EMSY: variants seen among roughly 807,000 people sequenced by gnomAD.
The protein encoded by EMSY is BRCA2-interacting transcriptional repressor EMSY.
EMSY carries 26 observed loss-of-function variants against 134.6 expected under a neutral mutation model. That is an observed-to-expected ratio of 0.19 (90% CI 0.14 to 0.27). The LOEUF (loss-of-function observed/expected upper bound fraction) is 0.27. EMSY is among the 10% of genes least tolerant of loss of function. EMSY has a pLI of 1.00. For synonymous variants in EMSY, 579 were observed against 577.8 expected (o/e 1.00, Z -0.03); for missense variants, 1,305 against 1,611.4 (o/e 0.81, Z 3.26).
chr11:76,523,068 A>G (rs1037122581), intron 11 of EMSY, 87 bp from the exon 13 acceptor site: 2 of 1,291,522 alleles, frequency 1.5e-6, no homozygotes, highest in African/African-American at 1.5e-5. Flanking sequence ...CATTTACTAT[A>G]TGTACTAATT....
At chr11:76,494,002 G>A (rs928592414) in intron 8 of EMSY, among the ~76,000 whole-genome samples, 4 of 152,252 alleles carry the variant, frequency 2.6e-5, no homozygotes, top group African/African-American at 4.8e-5. Flanking sequence ...GTGTCTCCAA[G>A]CTTTCGGGCG....
chr11:76,445,870 C>T (rs1280242126), intron 1 of EMSY, among the ~76,000 whole-genome samples: 1 of 152,136 alleles, frequency 6.6e-6, no homozygotes, highest in Non-Finnish European at 1.5e-5. Flanking sequence ...ATACTGCCGG[C>T]TGGGGCGCGC....
exon 12 of EMSY, chr11:76,523,188 C>T: frequency 6.2e-7 from 1 of 1,613,604 alleles, no homozygotes; most frequent in South Asian, 1.1e-5. Context: ...ATCCCAATGA[C>T]TTCCAAGCCC....
intron 10 of EMSY, among the ~76,000 whole-genome samples, chr11:76,515,073 T>G (rs77858439): frequency 2.0e-4 from 27 of 132,266 alleles, no homozygotes; most frequent in Non-Finnish European, 3.8e-4. Context: ...GTTTTGTGGG[T>G]TTTTTTTTTT....
chr11:76,496,303 G>A (rs750290621), exon 9 of EMSY: 1 of 1,614,070 alleles, frequency 6.2e-7, no homozygotes, highest in South Asian at 1.1e-5. Context: ...TTCTTGCACA[G>A]TTCCCTAAAC....
chr11:76,451,663 G>A (rs1167709512), intron 2 of EMSY, among the ~76,000 whole-genome samples, 195 bp from the exon 3 acceptor site: 1 of 152,026 alleles, frequency 6.6e-6, no homozygotes, highest in Non-Finnish European at 1.5e-5. Flanking sequence ...CATGACTTCT[G>A]TGAGGCAATG....
intron 7 of EMSY, among the ~76,000 whole-genome samples, chr11:76,468,220 C>G (rs1000362544): frequency 4.6e-5 from 7 of 151,666 alleles, no homozygotes; most frequent in Non-Finnish European, 1.0e-4. Context: ...GGTTTTCAGA[C>G]TTGGGATGTT....
At position 76,505,078 on chromosome 11, in the gene EMSY, A is replaced by G. The variant is rs372641136; in HGVS notation, c.1364-8308A>G. Among the ~76,000 whole-genome samples the G allele has an allele frequency of 5.3e-5, 8 of 152,156 alleles. No individual in the cohort carries two copies. The East Asian group carries it at 5.8e-4, about 11-fold the overall frequency. ...TTTGAAGTGAAGTGTTCTAAAATCA[A>G]TTGTTATGATGGCTGAACATATCTG... On this transcript the variant is annotated intron_variant, in intron 9 of 20. Coordinates refer to ENST00000334736, the Ensembl canonical transcript of EMSY.
intron 8 of EMSY, among the ~76,000 whole-genome samples, chr11:76,491,445 T>G (rs1360602497): frequency 6.6e-6 from 1 of 152,098 alleles, no homozygotes; most frequent in East Asian, 1.9e-4. Flanking sequence ...CCTCCCAAAG[T>G]GCTGAGATTA....
chr11:76,523,150 C>G lies in EMSY; in HGVS notation c.1685-5C>G, dbSNP rs924800024. On this transcript the variant is annotated splice_region_variant and splice_polypyrimidine_tract_variant and intron_variant, in intron 11 of 20. Coordinates refer to ENST00000334736, the Ensembl canonical transcript of EMSY. ...CAGGCCTCCTTTTCTTCCCCCTTTT[C>G]TAAGGAACGACTACCAAAATCACTA... 1.9e-6 allele frequency: 3 copies of G among 1,603,180 alleles called. No homozygotes were observed. Among genetic ancestry groups the G allele is most frequent in the Admixed American group, 3.5e-5 (2 of 57,038 alleles).
intron 2 of EMSY, among the ~76,000 whole-genome samples, chr11:76,448,188 T>G (rs1355511330): frequency 1.3e-5 from 2 of 152,200 alleles, no homozygotes; most frequent in African/African-American, 4.8e-5. Flanking sequence ...GTAAATCAGA[T>G]AGAATCATAG....
intron 4 of EMSY, among the ~76,000 whole-genome samples, chr11:76,455,822 C>T (rs1046155582): frequency 6.6e-6 from 1 of 152,166 alleles, no homozygotes; most frequent in Non-Finnish European, 1.5e-5. Flanking sequence ...CAAGGAGCTT[C>T]GGATTTTTTA....
intron 9 of EMSY, among the ~76,000 whole-genome samples, chr11:76,511,408 A>G (rs995966229): frequency 1.3e-5 from 2 of 152,144 alleles, no homozygotes; most frequent in African/African-American, 4.8e-5. Context: ...TGCTTTAAGA[A>G]TTACTTAATT....
At chr11:76,494,505 C>G (rs1949549032) in intron 8 of EMSY, among the ~76,000 whole-genome samples, 1 of 152,150 alleles carries the variant, frequency 6.6e-6, no homozygotes. Context: ...CAGAGATAGT[C>G]TAGTTCAGCA....
At chr11:76,486,330 C>T (rs537349962) in intron 8 of EMSY, among the ~76,000 whole-genome samples, 72 of 152,200 alleles carry the variant, frequency 4.7e-4, no homozygotes, top group African/African-American at 1.7e-3. Flanking sequence ...CAGCAAAGCA[C>T]CATGGCACGT....
chr11:76,507,972 T>A (rs571658073), intron 9 of EMSY, among the ~76,000 whole-genome samples: 4 of 151,368 alleles, frequency 2.6e-5, no homozygotes, highest in Non-Finnish European at 5.9e-5. Context: ...CAAGCAGTCC[T>A]CCCACCTCAG....
At chr11:76,517,973 A>G (rs1353828603) in intron 11 of EMSY, among the ~76,000 whole-genome samples, 1 of 152,040 alleles carries the variant, frequency 6.6e-6, no homozygotes, top group African/African-American at 2.4e-5. Flanking sequence ...ATTCTTTATA[A>G]AGACAATTTT....
At chr11:76,525,003 C>T (rs1307652243) in intron 12 of EMSY, among the ~76,000 whole-genome samples, 6 of 152,170 alleles carry the variant, frequency 3.9e-5, no homozygotes, top group African/African-American at 1.2e-4. Context: ...GGTGACAGAG[C>T]AAGACTCTGC....
chr11:76,522,095 C>T (rs1236375889), intron 11 of EMSY, among the ~76,000 whole-genome samples: 2 of 151,754 alleles, frequency 1.3e-5, no homozygotes, highest in African/African-American at 2.4e-5. Flanking sequence ...CAAAGATTTG[C>T]GCCAGAATTT....
Sources: gnomAD v4.1 joint callset for allele counts (sites outside exome capture counted in the v4.1 genomes callset) on GRCh38, gnomAD v4.1.1 for gene constraint, MANE v1.5 for transcripts, NCBI Gene and HGNC (gene_info 2026-07-23, HGNC 2026-07-21) for gene names.